PATJ: variants seen among roughly 807,000 people sequenced by gnomAD.
PATJ encodes the protein inaD-like protein.
A neutral mutation model predicts 224.9 loss-of-function variants in PATJ; 190 were observed. The observed-to-expected ratio is 0.84, with a 90% CI of 0.75 to 0.95. PATJ has a LOEUF of 0.95. PATJ is among the 40% of genes least tolerant of loss of function. The pLI, the probability that PATJ is intolerant of heterozygous loss-of-function variation, is 0.00. For synonymous variants in PATJ, 769 were observed against 820.3 expected (o/e 0.94, Z 1.07); for missense variants, 2,121 against 2,270.3 (o/e 0.93, Z 1.34).
In PATJ at chr1:61,875,352, C is replaced by G. The variant is rs371333095; in HGVS notation, c.2945C>G (p.Thr982Ser). Reference protein sequence around the residue: ...DLENLNSLAKTSLDLGMIPND... With the variant: ...DLENLNSLAKSSLDLGMIPND... ...GAAAATCTTAATTCATTAGCAAAAA[C>G]TAGTCTGGATTTAGGTTTGTGACTT... The change falls in exon 21 of 44, where the codon ACT becomes AGT. Residue 982 changes from threonine to serine, a missense_variant. Coordinates refer to ENST00000642238, the MANE Select transcript of PATJ (RefSeq NM_001350145.3). 268 of 1,608,626 alleles carry G rather than the reference C, an allele frequency of 1.7e-4. No homozygotes were observed. Among genetic ancestry groups the G allele is most frequent in the Non-Finnish European group, 2.1e-4 (250 of 1,177,962 alleles).
chr1:61,835,170 T>C (rs1659964417), intron 17 of PATJ, among the ~76,000 whole-genome samples: 1 of 152,250 alleles, frequency 6.6e-6, no homozygotes, highest in Admixed American at 6.5e-5. Flanking sequence ...AAGTTCTTGA[T>C]TCCAAATATT....
intron 28 of PATJ, among the ~76,000 whole-genome samples, chr1:61,991,328 A>G (rs2149550733): frequency 6.6e-6 from 1 of 152,310 alleles, no homozygotes; most frequent in Non-Finnish European, 1.5e-5. Flanking sequence ...TTTGACTTGT[A>G]GCTCTTTGTA....
chr1:62,001,504 A>G (rs1359397097), intron 28 of PATJ, among the ~76,000 whole-genome samples: 53 of 150,154 alleles, frequency 3.5e-4, no homozygotes, highest in Non-Finnish European at 7.4e-5. Context: ...AGTTGTAGAT[A>G]TGCGGCGTTA....
intron 17 of PATJ, among the ~76,000 whole-genome samples, chr1:61,835,431 T>A (rs1248394804): frequency 6.6e-6 from 1 of 151,996 alleles, no homozygotes; most frequent in African/African-American, 2.4e-5. Context: ...TGAGACAGAG[T>A]CTCACTCTGT....
intron 41 of PATJ, among the ~76,000 whole-genome samples, chr1:62,145,087 T>C (rs1468816434): frequency 6.6e-6 from 1 of 152,078 alleles, no homozygotes; most frequent in Non-Finnish European, 1.5e-5. Context: ...AGTGCTAGGA[T>C]TACAGGTGCG....
intron 16 of PATJ, 85 bp downstream of exon 16, chr1:61,827,668 G>T: frequency 7.7e-7 from 1 of 1,292,540 alleles, no homozygotes; most frequent in Non-Finnish European, 1.1e-6. Context: ...AAGAAGGGAG[G>T]GGAAACCATT....
chr1:61,979,677 C>T (rs1644346567), intron 27 of PATJ, among the ~76,000 whole-genome samples: 1 of 148,106 alleles, frequency 6.8e-6, no homozygotes, highest in African/African-American at 2.5e-5. Flanking sequence ...AAAAGATTAG[C>T]AAAAGAAGAG....
intron 6 of PATJ, among the ~76,000 whole-genome samples, chr1:61,772,734 A>G (rs950524418): frequency 1.3e-5 from 2 of 152,184 alleles, no homozygotes; most frequent in African/African-American, 4.8e-5. Context: ...AGGGCTTTGG[A>G]GTCAGGTTTG....
At chr1:61,758,002 G>A (rs922389813) in intron 1 of PATJ, among the ~76,000 whole-genome samples, 37 of 152,022 alleles carry the variant, frequency 2.4e-4, no homozygotes, top group African/African-American at 8.2e-4. Context: ...TCTTACAAAC[G>A]TGAAAATAAT....
rs1232563111 is a variant in PATJ at position 62,125,213 on chromosome 1, G to A, written c.5043+2155G>A. ...GATCATGCCACTGCACTCCAGCCTG[G>A]GTGACAGAGTAAAACCCTGTCTCAA... On this transcript the variant is annotated intron_variant, in intron 39 of 43. Transcript: ENST00000642238. Among the ~76,000 whole-genome samples, 3 of 132,642 alleles carry A rather than the reference G, an allele frequency of 2.3e-5. No homozygotes were observed. The Admixed American group carries it at 2.5e-4, about 11-fold the overall frequency. The allele number at this position is 132,642 out of a possible 152,430, so 87.0% of individuals were successfully genotyped here.
intron 33 of PATJ, among the ~76,000 whole-genome samples, chr1:62,096,828 G>A (rs1398964035): frequency 9.9e-5 from 15 of 152,132 alleles, no homozygotes; most frequent in Non-Finnish European, 4.4e-5. Context: ...GGTTGGCCAG[G>A]CTAGTCTTGA....
At chr1:62,067,863 C>T (rs967048102) in intron 31 of PATJ, among the ~76,000 whole-genome samples, 8 of 152,306 alleles carry the variant, frequency 5.3e-5, no homozygotes, top group Admixed American at 2.0e-4. Flanking sequence ...TGCAGTGGCA[C>T]GATCTCAGCT....
intron 28 of PATJ, among the ~76,000 whole-genome samples, chr1:62,013,785 T>C (rs76698329): frequency 0.023 from 3,472 of 152,234 alleles, 149 homozygotes; most frequent in African/African-American, 0.079. Flanking sequence ...CGTCATTTGT[T>C]TTTTTTGAGA....
intron 24 of PATJ, among the ~76,000 whole-genome samples, chr1:61,905,227 G>A (rs1671700958): frequency 1.3e-5 from 2 of 152,202 alleles, no homozygotes; most frequent in Admixed American, 1.3e-4. Context: ...TGTTTTCTGG[G>A]GTGTCAGAGA....
intron 27 of PATJ, among the ~76,000 whole-genome samples, chr1:61,987,856 C>A (rs1644846551): frequency 6.6e-6 from 1 of 152,138 alleles, no homozygotes. Flanking sequence ...TTAAATTTTG[C>A]TAATTCCAAA....
intron 33 of PATJ, among the ~76,000 whole-genome samples, chr1:62,101,286 C>T (rs1167285581): frequency 3.9e-5 from 5 of 127,886 alleles, no homozygotes; most frequent in Non-Finnish European, 6.4e-5. Flanking sequence ...TTTTCTGAGA[C>T]AGAGTCTCGC....
chr1:62,131,051 G>A (rs1666211719), intron 41 of PATJ, among the ~76,000 whole-genome samples: 9 of 152,082 alleles, frequency 5.9e-5, no homozygotes, highest in Admixed American at 5.9e-4. Context: ...AGAAAATCCT[G>A]TCATTAATTT....
At chr1:61,845,203 A>G (rs1233777855) in intron 17 of PATJ, among the ~76,000 whole-genome samples, 2 of 152,010 alleles carry the variant, frequency 1.3e-5, no homozygotes, top group Non-Finnish European at 1.5e-5. Context: ...ATCTTCTACA[A>G]CCTCCAGGCT....
chr1:62,034,028 C>T (rs1399766398), intron 29 of PATJ, among the ~76,000 whole-genome samples: 1 of 152,178 alleles, frequency 6.6e-6, no homozygotes, highest in Non-Finnish European at 1.5e-5. Context: ...TGGGAAAAGT[C>T]CGTTATCTCT....
Sources: gnomAD v4.1 joint callset for allele counts (sites outside exome capture counted in the v4.1 genomes callset) on GRCh38, gnomAD v4.1.1 for gene constraint, MANE v1.5 for transcripts, NCBI Gene and HGNC (gene_info 2026-07-23, HGNC 2026-07-21) for gene names.